Variants in ASTN2 observed in about 807,000 individuals in gnomAD.
ASTN2 encodes the protein astrotactin-2.
Under a neutral mutation model 139.8 loss-of-function variants are expected in ASTN2, and 54 were observed. The observed-to-expected ratio is 0.39, with a 90% CI of 0.31 to 0.48. The LOEUF is 0.48. Among genes scored for constraint, ASTN2 ranks in the 20% least tolerant of loss-of-function variants. The probability of loss-of-function intolerance (pLI) is 0.95; values close to 1 mark genes in which losing one functional copy is unlikely to be tolerated. For synonymous variants in ASTN2, 756 were observed against 719.5 expected, an observed-to-expected ratio of 1.05 and a Z score of -0.81; for missense variants, 1,565 against 1,725.1, an observed-to-expected ratio of 0.91 and a Z score of 1.64.
Position 117,214,821 on chromosome 9 carries a change from A to G in ASTN2, c.631-79T>C, listed in dbSNP as rs1015284489. On this transcript the variant is annotated intron_variant, in intron 2 of 22. Coordinates refer to ENST00000313400, the MANE Select transcript of ASTN2 (RefSeq NM_001365068.1). ...GCTGCAGGGGATTTTCCTGTCCACT[A>G]CACTCTGCCAGGATCCCTGGGTTTG... 10 of 1,346,148 alleles carry G rather than the reference A, an allele frequency of 7.4e-6. No individual in the cohort carries two copies. The African/African-American group carries it at 1.0e-4, about 14-fold the overall frequency. The allele number at this position is 1,346,148 out of a possible 1,614,324, so 83.4% of individuals were successfully genotyped here.
chr9:116,649,411 A>G (rs1857780205), intron 17 of ASTN2, among the ~76,000 whole-genome samples: 1 of 151,674 alleles, frequency 6.6e-6, no homozygotes, highest in Non-Finnish European at 1.5e-5. Flanking sequence ...CATCTCTACT[A>G]AAAACACAAA....
intron 20 of ASTN2, among the ~76,000 whole-genome samples, chr9:116,484,723 C>T (rs1849284688): frequency 6.6e-6 from 1 of 152,090 alleles, no homozygotes; most frequent in South Asian, 2.1e-4. Context: ...TTAGAGATGA[C>T]AAGCTCCTGA....
intron 11 of ASTN2, among the ~76,000 whole-genome samples, chr9:116,853,899 G>A (rs1026372215): frequency 1.3e-5 from 2 of 152,110 alleles, no homozygotes; most frequent in Non-Finnish European, 2.9e-5. Flanking sequence ...AGAGCAGCAC[G>A]GTTTATAATA....
chr9:117,079,384 G>A lies in ASTN2; in HGVS notation c.1276+16660C>T, dbSNP rs184593728. On this transcript the variant is annotated intron_variant, in intron 5 of 22. Coordinates refer to ENST00000313400, the MANE Select transcript of ASTN2 (RefSeq NM_001365068.1). ...AGAGTGAGAGAGAGACAGGCAGACC[G>A]ACCGACCAACCAGCATGCCCAGTCT... 2.0e-5 allele frequency among the ~76,000 whole-genome samples: 3 copies of A among 152,158 alleles called. No homozygotes were observed. In the East Asian group the frequency reaches 5.8e-4, roughly 30 times the overall value.
rs371374987 is a variant in ASTN2, at chr9:117,225,574, T to TATATATATATATATACAC, written c.631-10833_631-10832insGTGTATATATATATATAT. Among the ~76,000 whole-genome samples, 5 of 77,980 alleles carry TATATATATATATATACAC rather than the reference T, an allele frequency of 6.4e-5. No individual in the cohort carries two copies. The South Asian group carries it at 1.6e-3, about 25-fold the overall frequency. The allele number at this position is 77,980 out of a possible 152,430, so 51.2% of individuals were successfully genotyped here. A position where few individuals can be genotyped will look rare whatever the true frequency, so the allele number is the denominator to read the frequency against. ...ATATATATATATATATATATATATA[T>TATATATATATATATACAC]ACAGATGAACCCAAGTGGCCAGAGA... On this transcript the variant is annotated intron_variant, in intron 2 of 22. Coordinates refer to ENST00000313400, the MANE Select transcript of ASTN2 (RefSeq NM_001365068.1).
At chr9:117,306,644 C>T (rs1290068217) in intron 1 of ASTN2, among the ~76,000 whole-genome samples, 2 of 152,120 alleles carry the variant, frequency 1.3e-5, no homozygotes, top group African/African-American at 4.8e-5. Flanking sequence ...CTGTGTTATG[C>T]TATCAGAAAA....
intron 10 of ASTN2, among the ~76,000 whole-genome samples, chr9:116,920,332 A>C (rs190969248): frequency 2.0e-4 from 30 of 152,342 alleles, no homozygotes; most frequent in Admixed American, 1.2e-3. Context: ...GCTTAAAAGC[A>C]GAAGAATGGT....
intron 5 of ASTN2, among the ~76,000 whole-genome samples, chr9:117,050,640 A>G (rs540966187): frequency 6.6e-6 from 1 of 152,292 alleles, no homozygotes; most frequent in East Asian, 1.9e-4. Flanking sequence ...CAGAGCTAGA[A>G]TATGAACCGA....
At chr9:116,680,031 A>C (rs890191588) in intron 16 of ASTN2, among the ~76,000 whole-genome samples, 4 of 152,182 alleles carry the variant, frequency 2.6e-5, no homozygotes, top group African/African-American at 9.7e-5. Context: ...ATCAGAGCAG[A>C]AGTGAAGGAA....
At chr9:117,038,229 C>T (rs752111855) in intron 6 of ASTN2, among the ~76,000 whole-genome samples, 11 of 152,090 alleles carry the variant, frequency 7.2e-5, no homozygotes, top group East Asian at 1.9e-4. Context: ...CGAAACTTAA[C>T]GGAAATAAAA....
rs114048641 is a variant in ASTN2, at chr9:117,117,449, G to A, written c.1169-21298C>T. On this transcript the variant is annotated intron_variant, in intron 4 of 22. Coordinates refer to ENST00000313400, the MANE Select transcript of ASTN2 (RefSeq NM_001365068.1). Reference sequence around the variant, plus strand: ...ATACCCAAAGTTGTGTCAACAGGCTGTTTTAGGAAAGAATGAGGGACTTTG... The same window carrying A: ...ATACCCAAAGTTGTGTCAACAGGCTATTTTAGGAAAGAATGAGGGACTTTG... Among the ~76,000 whole-genome samples the A allele has an allele frequency of 4.2e-3, 630 of 151,348 alleles. 6 individuals are homozygous for A. Among genetic ancestry groups the A allele is most frequent in the African/African-American group, 0.015 (605 of 41,266 alleles).
chr9:116,455,256 G>A (rs1848295447), intron 20 of ASTN2, among the ~76,000 whole-genome samples: 1 of 151,468 alleles, frequency 6.6e-6, no homozygotes, highest in Non-Finnish European at 1.5e-5. Context: ...GGCTGAGGCA[G>A]GAGAATTGCT....
chr9:116,976,684 T>C lies in ASTN2; in HGVS notation c.1676+17A>G. 1 of 1,613,436 alleles carries C rather than the reference T, an allele frequency of 6.2e-7. No individual in the cohort carries two copies. The highest frequency in any genetic ancestry group is 8.5e-7 in the Non-Finnish European group (1 of 1,179,406). ...GGGTCCTGCACTGTCCTGGACCTGA[T>C]GCCCTTTGCCACTCACCCTTCACTC... On this transcript the variant is annotated intron_variant, in intron 8 of 22. Transcript: ENST00000313400.
intron 11 of ASTN2, among the ~76,000 whole-genome samples, chr9:116,841,028 G>C (rs1832233502): frequency 6.9e-6 from 1 of 144,408 alleles, no homozygotes; most frequent in Non-Finnish European, 1.5e-5. Flanking sequence ...AAGGCAGGCT[G>C]CTGGGAGGTG....
At chr9:117,173,968 C>A (rs575487822) in intron 3 of ASTN2, among the ~76,000 whole-genome samples, 1 of 112,664 alleles carries the variant, frequency 8.9e-6, no homozygotes, top group South Asian at 3.2e-4. Flanking sequence ...AAACAGAAAC[C>A]AAAACCAAGA....
chr9:117,151,554 G>C (rs1281198057), intron 3 of ASTN2, among the ~76,000 whole-genome samples: 1 of 152,120 alleles, frequency 6.6e-6, no homozygotes, highest in Non-Finnish European at 1.5e-5. Context: ...CTTAGGTAGA[G>C]AGCAAAGCAT....
chr9:117,374,685 C>A (rs1402758661), intron 1 of ASTN2, among the ~76,000 whole-genome samples: 3 of 152,092 alleles, frequency 2.0e-5, no homozygotes, highest in Non-Finnish European at 4.4e-5. Context: ...GGCAAATTGA[C>A]AATGCAGCAG....
At chr9:116,891,019 C>T (rs1011155539) in intron 10 of ASTN2, among the ~76,000 whole-genome samples, 3 of 152,152 alleles carry the variant, frequency 2.0e-5, no homozygotes. Flanking sequence ...AGAAGTAATT[C>T]CAGGGCCTCC....
intron 1 of ASTN2, among the ~76,000 whole-genome samples, chr9:117,358,737 C>A (rs960620479): frequency 3.9e-5 from 6 of 152,082 alleles, no homozygotes; most frequent in African/African-American, 1.4e-4. Flanking sequence ...TGGAGAAATG[C>A]AATCTCCTCC....
Sources: allele counts gnomAD v4.1 joint callset (sites outside exome capture counted in the v4.1 genomes callset), GRCh38; gene constraint gnomAD v4.1.1; transcripts MANE v1.5; gene names NCBI Gene and HGNC (gene_info 2026-07-23, HGNC 2026-07-21).